The following GSDME variants were observed in gnomAD, a reference collection of about 807,000 sequenced individuals.
The protein encoded by GSDME is gasdermin-E.
GSDME carries 44 observed loss-of-function variants against 47.5 expected under a neutral mutation model. The ratio of observed to expected loss-of-function variants is 0.93; its 90% CI spans 0.73 to 1.19. The LOEUF is 1.19. Among genes scored for constraint, GSDME ranks in the 50% most tolerant of loss-of-function variants. The probability of loss-of-function intolerance (pLI) is 0.00; values close to 1 mark genes in which losing one functional copy is unlikely to be tolerated. For missense variants in GSDME, 663 were observed against 604.2 expected (o/e 1.10, Z -1.02); for synonymous variants, 258 against 252.8 (o/e 1.02, Z -0.20).
chr7:24,743,404 T>C (rs914789801), intron 3 of GSDME, among the ~76,000 whole-genome samples: 1 of 152,204 alleles, frequency 6.6e-6, no homozygotes, highest in Non-Finnish European at 1.5e-5. Context: ...CACAGGAAAA[T>C]GCACATGTTA....
At position 24,721,509 on chromosome 7, in the gene GSDME, C is replaced by G. The variant is rs144515155; in HGVS notation, c.405-2291G>C. Reference sequence around the variant, plus strand: ...AGGGCCACCTCTGCACCTAGGTTTTCTCGTGCATGAACTGTTGGTAACAGG... The same window carrying G: ...AGGGCCACCTCTGCACCTAGGTTTTGTCGTGCATGAACTGTTGGTAACAGG... On this transcript the variant is annotated intron_variant, in intron 3 of 9. Transcript: ENST00000645220. This position sits in a 1 kb window ranked among gnomAD's most constrained non-coding sequence, Gnocchi z 4.1. Among the ~76,000 whole-genome samples the G allele has an allele frequency of 4.4e-3, 670 of 152,334 alleles. 4 individuals are homozygous for G. Among genetic ancestry groups the G allele is most frequent in the East Asian group, 8.3e-3 (43 of 5,184 alleles).
the GSDME span, among the ~76,000 whole-genome samples, chr7:24,787,562 T>C: frequency 6.6e-6 from 1 of 152,188 alleles, no homozygotes; most frequent in Non-Finnish European, 1.5e-5. This position sits in a 1 kb window ranked among gnomAD's most constrained non-coding sequence, Gnocchi z 5.0. Flanking sequence ...CTTATGTCGA[T>C]ATACCTTTTC....
At chr7:24,779,416 G>T in the GSDME span, among the ~76,000 whole-genome samples, 1 of 152,044 alleles carries the variant, frequency 6.6e-6, no homozygotes, top group South Asian at 2.1e-4. The surrounding 1 kb of genome is among the most constrained non-coding windows in gnomAD (Gnocchi z 6.0). Context: ...AAATGTATTA[G>T]AGTCTCTGGA....
rs769548233 is a variant in GSDME at position 24,719,089 on chromosome 7, C to T, written c.534G>A (p.Glu178=). The change falls in exon 4 of 10, where the codon GAG becomes GAA. Residue 178 remains glutamate (E), a synonymous_variant. Transcript: ENST00000645220. ...CVISEHMQVE[E]KCGGIVGIQT... The stretch of plus-strand genomic sequence containing the variant: ...GGATGCCCACGATGCCACCACACTT[C>T]TCCTCGACCTGCATGTGCTCAGAGA... The T allele has an allele frequency of 3.1e-6, 5 of 1,613,424 alleles. No homozygotes were observed. The highest frequency in any genetic ancestry group is 4.2e-6 in the Non-Finnish European group (5 of 1,180,032).
At chr7:24,704,657 A>G (rs1440113096) in intron 8 of GSDME, 2 of 152,182 alleles carry the variant, frequency 1.3e-5, no homozygotes, top group African/African-American at 4.8e-5. Context: ...CAATTCAGAA[A>G]CAGCAAGTCA....
chr7:24,707,273 C>A (rs73288041), intron 7 of GSDME: 15,601 of 466,610 alleles, frequency 0.033, 1,253 homozygotes, highest in African/African-American at 0.19. Flanking sequence ...GAACAAAAAA[C>A]AAAACTGTAG....
At position 24,735,396 on chromosome 7, in the gene GSDME, C is replaced by G. The variant is rs1312727210; in HGVS notation, c.404+9166G>C. Among the ~76,000 whole-genome samples, 4 of 152,162 alleles carry G rather than the reference C, an allele frequency of 2.6e-5. No homozygotes were observed. Among genetic ancestry groups the G allele is most frequent in the Admixed American group, 6.5e-5 (1 of 15,280 alleles). On this transcript the variant is annotated intron_variant, in intron 3 of 9. Coordinates refer to ENST00000645220, the MANE Select transcript of GSDME (RefSeq NM_001127453.2). This position sits in a 1 kb window ranked among gnomAD's most constrained non-coding sequence, Gnocchi z 4.4. ...AGAAAAAACACAGACTATTATAACA[C>G]TGTCACTGTGGTATGTAAACTACTC...
At position 24,739,814 on chromosome 7, in the gene GSDME, G is replaced by A. The variant is rs567038457; in HGVS notation, c.404+4748C>T. On this transcript the variant is annotated intron_variant, in intron 3 of 9. Transcript: ENST00000645220. The surrounding 1 kb of genome is among the most constrained non-coding windows in gnomAD (Gnocchi z 5.1). Reference sequence around the variant, plus strand: ...CATTAAAAAAAGAGTAAGATCCTGGGCTGGGCGCAGTGGCTCACGCCCATA... The same window carrying A: ...CATTAAAAAAAGAGTAAGATCCTGGACTGGGCGCAGTGGCTCACGCCCATA... 1.3e-5 allele frequency among the ~76,000 whole-genome samples: 2 copies of A among 152,204 alleles called. No homozygotes were observed. Among genetic ancestry groups the A allele is most frequent in the East Asian group, 3.9e-4 (2 of 5,184 alleles).
chr7:24,703,259 T>A (rs958012072), intron 8 of GSDME: 2 of 335,088 alleles, frequency 6.0e-6, no homozygotes, highest in Non-Finnish European at 1.2e-5. Context: ...GTTTTGTTTT[T>A]GCATATGTCA....
chr7:24,710,129 T>A (rs1789287118), intron 6 of GSDME, 95 bp downstream of exon 6: 1 of 1,334,556 alleles, frequency 7.5e-7, no homozygotes, highest in South Asian at 1.2e-5. Context: ...TGTGAGTCAC[T>A]GAGGGGTCAC....
the GSDME span, among the ~76,000 whole-genome samples, chr7:24,771,679 G>T: frequency 6.6e-6 from 1 of 152,166 alleles, no homozygotes; most frequent in Admixed American, 6.5e-5. This position sits in a 1 kb window ranked among gnomAD's most constrained non-coding sequence, Gnocchi z 4.1. Context: ...GCTTGGAAAA[G>T]AGTGTCAAGA....
chr7:24,744,957 G>A lies in GSDME; in HGVS notation c.212-203C>T, dbSNP rs1012317845. Among the ~76,000 whole-genome samples the A allele has an allele frequency of 4.8e-5, 6 of 125,618 alleles. No individual in the cohort carries two copies. The highest frequency in any genetic ancestry group is 1.5e-4 in the Admixed American group (2 of 13,042). 82.4% of individuals were successfully genotyped at this position (125,618 alleles called of 152,430 possible). Reference sequence around the variant, plus strand: ...GTGTGTGTGTGTGTGTGTGTGGACCGCGGGCACACAGTGGACCAGTGCAGC... The same window carrying A: ...GTGTGTGTGTGTGTGTGTGTGGACCACGGGCACACAGTGGACCAGTGCAGC... On this transcript the variant is annotated intron_variant, in intron 2 of 9. Coordinates refer to ENST00000645220, the MANE Select transcript of GSDME (RefSeq NM_001127453.2). The surrounding 1 kb of genome is among the most constrained non-coding windows in gnomAD (Gnocchi z 4.5).
chr7:24,787,490 G>A, the GSDME span, among the ~76,000 whole-genome samples: 14 of 152,300 alleles, frequency 9.2e-5, no homozygotes, highest in East Asian at 2.7e-3. The surrounding 1 kb of genome is among the most constrained non-coding windows in gnomAD (Gnocchi z 5.0). Flanking sequence ...GGTGGTAGTG[G>A]TGGTGGCAGT....
chr7:24,780,636 A>G, the GSDME span, among the ~76,000 whole-genome samples: 2 of 152,220 alleles, frequency 1.3e-5, no homozygotes, highest in Middle Eastern at 3.2e-3. This position sits in a 1 kb window ranked among gnomAD's most constrained non-coding sequence, Gnocchi z 4.1. Flanking sequence ...CTTCCCTGAA[A>G]TGGAACTAAC....
intron 3 of GSDME, among the ~76,000 whole-genome samples, chr7:24,734,854 G>A (rs1031571980): frequency 1.3e-5 from 2 of 152,166 alleles, no homozygotes; most frequent in African/African-American, 4.8e-5. Flanking sequence ...AAAGAGGAAG[G>A]AGAGAAAAAA....
chr7:24,794,122 T>C, the GSDME span, among the ~76,000 whole-genome samples: 1 of 151,160 alleles, frequency 6.6e-6, no homozygotes. Flanking sequence ...CACTGTTTTT[T>C]TCTTAACTAC....
the GSDME span, among the ~76,000 whole-genome samples, chr7:24,770,999 AG>A: frequency 6.6e-6 from 1 of 152,214 alleles, no homozygotes; most frequent in African/African-American, 2.4e-5. This position sits in a 1 kb window ranked among gnomAD's most constrained non-coding sequence, Gnocchi z 4.6. Flanking sequence ...CAACAATGAC[AG>A]AATTTCCCCA....
At chr7:24,793,214 C>A in the GSDME span, among the ~76,000 whole-genome samples, 11 of 152,154 alleles carry the variant, frequency 7.2e-5, no homozygotes, top group South Asian at 2.3e-3. Context: ...TAATGTCTGA[C>A]CATAAGGTAA....
chr7:24,718,616 C>T (rs1789657296), intron 4 of GSDME, among the ~76,000 whole-genome samples: 1 of 152,202 alleles, frequency 6.6e-6, no homozygotes, highest in Non-Finnish European at 1.5e-5. Context: ...GGAAGAGCAC[C>T]TGACGCCAGC....
Sources: gnomAD v4.1 joint callset for allele counts (sites outside exome capture counted in the v4.1 genomes callset) on GRCh38, gnomAD v4.1.1 for gene constraint, Gnocchi (gnomAD v3.1) non-coding constraint, MANE v1.5 for transcripts, NCBI Gene and HGNC (gene_info 2026-07-23, HGNC 2026-07-21) for gene names.